The following MAP7 variants were observed in gnomAD, a reference collection of about 807,000 sequenced individuals.
The protein encoded by MAP7 is microtubule associated protein 7, also known as ensconsin.
A neutral mutation model predicts 94.8 loss-of-function variants in MAP7; 52 were observed. That is an observed-to-expected ratio of 0.55 (90% CI 0.44 to 0.69). The LOEUF (loss-of-function observed/expected upper bound fraction) is 0.69. MAP7 is among the 30% of genes least tolerant of loss of function. The pLI, the probability that MAP7 is intolerant of heterozygous loss-of-function variation, is 0.00. For synonymous variants in MAP7, 350 were observed against 357.0 expected (o/e 0.98, Z 0.22); for missense variants, 940 against 964.6 (o/e 0.97, Z 0.34).
chr6:136,381,252 C>T (rs1777642837), intron 6 of MAP7, among the ~76,000 whole-genome samples: 1 of 152,072 alleles, frequency 6.6e-6, no homozygotes, highest in South Asian at 2.1e-4. Context: ...AATCATAGCT[C>T]ACCACAGTCT....
intron 1 of MAP7, among the ~76,000 whole-genome samples, chr6:136,473,811 T>C (rs1809885305): frequency 6.6e-6 from 1 of 152,226 alleles, no homozygotes; most frequent in Non-Finnish European, 1.5e-5. Context: ...TGCTTCATCC[T>C]GATTGATGGT....
intron 5 of MAP7, among the ~76,000 whole-genome samples, chr6:136,387,964 G>A (rs1779633022): frequency 6.6e-6 from 1 of 152,136 alleles, no homozygotes; most frequent in African/African-American, 2.4e-5. Flanking sequence ...GAGCATTAGT[G>A]TTGCATATAC....
chr6:136,383,547 T>G, intron 6 of MAP7, 124 bp downstream of exon 6: 3 of 529,210 alleles, frequency 5.7e-6, no homozygotes, highest in Non-Finnish European at 9.9e-6. Context: ...CTCTGAAGTT[T>G]TTTTCTTCCT....
At chr6:136,359,604 C>A (rs1365271638) in intron 15 of MAP7, among the ~76,000 whole-genome samples, 1 of 151,916 alleles carries the variant, frequency 6.6e-6, no homozygotes, top group Non-Finnish European at 1.5e-5. Flanking sequence ...TCAAGCAACC[C>A]ATTAGAGTAT....
At chr6:136,447,855 A>T (rs956347961) in intron 1 of MAP7, among the ~76,000 whole-genome samples, 1 of 152,224 alleles carries the variant, frequency 6.6e-6, no homozygotes, top group Admixed American at 6.5e-5. Context: ...AAGCATAATC[A>T]AGCAGTTGGA....
At chr6:136,409,512 A>G (rs1786692507) in intron 3 of MAP7, among the ~76,000 whole-genome samples, 1 of 152,266 alleles carries the variant, frequency 6.6e-6, no homozygotes, top group Non-Finnish European at 1.5e-5. Context: ...ATATAATCAT[A>G]TAATAATCTG....
intron 3 of MAP7, among the ~76,000 whole-genome samples, chr6:136,391,514 C>T (rs1328903799): frequency 1.3e-5 from 2 of 149,500 alleles, no homozygotes; most frequent in African/African-American, 4.9e-5. Flanking sequence ...AACTAACCTG[C>T]ACAATGTGCA....
chr6:136,356,821 C>T (rs1033693132), intron 15 of MAP7, 27 bp from the exon 16 acceptor site: 1 of 1,562,126 alleles, frequency 6.4e-7, no homozygotes, highest in African/African-American at 1.4e-5. Context: ...AGACAGAACA[C>T]AGGGTTACTA....
rs796155396 is a variant in MAP7, at chr6:136,384,688, G to A, written c.527-907C>T. 9.9e-5 allele frequency among the ~76,000 whole-genome samples: 15 copies of A among 152,090 alleles called. 1 individual carries two copies. Among genetic ancestry groups the A allele is most frequent in the African/African-American group, 1.9e-4 (8 of 41,480 alleles). Reference sequence around the variant, plus strand: ...TTTGTAGAGGTGGGGTTCTCATTACGTTGCCCAGGCTGGTCTCAAATTCCT... The same window carrying A: ...TTTGTAGAGGTGGGGTTCTCATTACATTGCCCAGGCTGGTCTCAAATTCCT... On this transcript the variant is annotated intron_variant, in intron 5 of 17. Coordinates refer to ENST00000354570, the MANE Select transcript of MAP7 (RefSeq NM_003980.6).
intron 3 of MAP7, among the ~76,000 whole-genome samples, chr6:136,406,158 T>G (rs914332058): frequency 7.9e-5 from 12 of 152,118 alleles, no homozygotes; most frequent in African/African-American, 2.9e-4. Flanking sequence ...TGAAGAGAAA[T>G]CGGTAACCAG....
intron 1 of MAP7, among the ~76,000 whole-genome samples, chr6:136,452,353 T>C (rs1801416123): frequency 1.3e-5 from 2 of 152,192 alleles, no homozygotes; most frequent in Admixed American, 1.3e-4. Context: ...ACAAGGGATT[T>C]AGAATATTAC....
At chr6:136,456,758 G>GGAA (rs1803040330) in intron 1 of MAP7, among the ~76,000 whole-genome samples, 1 of 34,484 alleles carries the variant, frequency 2.9e-5, no homozygotes, top group Non-Finnish European at 5.7e-5. Context: ...AGGAGGAGGA[G>GGAA]GAGGAGGAGG....
intron 1 of MAP7, among the ~76,000 whole-genome samples, chr6:136,442,666 A>C (rs1204694587): frequency 4.6e-5 from 7 of 152,098 alleles, no homozygotes; most frequent in Non-Finnish European, 1.5e-5. Flanking sequence ...ACAGAATTTA[A>C]ACTAGAATCA....
In MAP7 at chr6:136,550,316, C is replaced by A; in HGVS notation, c.67+26G>T. On this transcript the variant is annotated intron_variant, in intron 1 of 17. Coordinates refer to ENST00000354570, the MANE Select transcript of MAP7 (RefSeq NM_003980.6). The surrounding 1 kb of genome is among the most constrained non-coding windows in gnomAD (Gnocchi z 5.1). ...CTCGCCGTCCCCTGCCCGACGGGACCCCCACTATCCCCGCTGTGCGGTCAC... is the reference window on the plus strand; with the variant it reads ...CTCGCCGTCCCCTGCCCGACGGGACACCCACTATCCCCGCTGTGCGGTCAC... 2.7e-6 allele frequency: 4 copies of A among 1,492,834 alleles called. No individual in the cohort carries two copies. The highest frequency in any genetic ancestry group is 3.5e-6 in the Non-Finnish European group (4 of 1,126,768). 92.5% of individuals were successfully genotyped at this position (1,492,834 alleles called of 1,614,324 possible).
At chr6:136,464,737 T>C (rs1806399458) in intron 1 of MAP7, among the ~76,000 whole-genome samples, 1 of 152,232 alleles carries the variant, frequency 6.6e-6, no homozygotes, top group Admixed American at 6.5e-5. Context: ...TCTCTCCTAC[T>C]TTGCCGTGCT....
At chr6:136,384,923 C>T (rs1201055449) in intron 5 of MAP7, among the ~76,000 whole-genome samples, 1 of 152,190 alleles carries the variant, frequency 6.6e-6, no homozygotes, top group Non-Finnish European at 1.5e-5. Flanking sequence ...AATAACACTG[C>T]ATGTAATGAA....
chr6:136,443,279 G>T (rs371112538), intron 1 of MAP7, among the ~76,000 whole-genome samples: 1 of 152,078 alleles, frequency 6.6e-6, no homozygotes, highest in East Asian at 1.9e-4. Flanking sequence ...ATTTCTAGGT[G>T]AGGTTAGTGG....
intron 1 of MAP7, among the ~76,000 whole-genome samples, chr6:136,470,611 A>G (rs978064395): frequency 4.6e-5 from 7 of 152,072 alleles, no homozygotes; most frequent in Non-Finnish European, 1.0e-4. Context: ...TTTGGCCAAT[A>G]TCTCATTTTC....
intron 3 of MAP7, among the ~76,000 whole-genome samples, chr6:136,403,608 A>G (rs940411740): frequency 3.3e-5 from 5 of 152,216 alleles, no homozygotes; most frequent in Admixed American, 2.6e-4. Context: ...TGATCTTCCA[A>G]TGCCACTCTT....
Sources: allele counts gnomAD v4.1 joint callset (sites outside exome capture counted in the v4.1 genomes callset), GRCh38; gene constraint gnomAD v4.1.1; non-coding constraint Gnocchi (gnomAD v3.1); transcripts MANE v1.5; gene names NCBI Gene and HGNC (gene_info 2026-07-23, HGNC 2026-07-21).